Variants in NPC1L1 observed in about 807,000 individuals in gnomAD.
NPC1L1 encodes NPC1 like intracellular cholesterol transporter 1, also known as NPC1-like intracellular cholesterol transporter 1.
A neutral mutation model predicts 117.0 loss-of-function variants in NPC1L1; 98 were observed. That is an observed-to-expected ratio of 0.84 (90% CI 0.71 to 0.99). The LOEUF (loss-of-function observed/expected upper bound fraction) is 0.99, where lower values mean the gene tolerates loss of function less well. Ranked by LOEUF, NPC1L1 falls within the 50% of genes least tolerant of loss-of-function variation. The pLI, the probability that NPC1L1 is intolerant of heterozygous loss-of-function variation, is 0.00. For missense variants in NPC1L1, 1,540 were observed against 1,710.0 expected (o/e 0.90, Z 1.75); for synonymous variants, 729 against 727.6 (o/e 1.00, Z -0.03).
Position 44,536,127 on chromosome 7 carries a change from A to G in NPC1L1, c.1854+129T>C. On this transcript the variant is annotated intron_variant, in intron 4 of 18. Transcript: ENST00000381160. This position sits in a 1 kb window ranked among gnomAD's most constrained non-coding sequence, Gnocchi z 4.7. ...GGCTATAAGAACAGCCATCACAATC[A>G]CCCCGTTCTGAGCAGGCAGCCACTG... 1 of 1,537,416 alleles carries G rather than the reference A, an allele frequency of 6.5e-7. No individual in the cohort carries two copies. The highest frequency in any genetic ancestry group is 9.0e-7 in the Non-Finnish European group (1 of 1,114,066).
rs1325680244 is a variant in NPC1L1 at position 44,521,179 on chromosome 7, C to A, written c.2954-61G>T. ...CAGGGCCAGCAGCTCCTGCTTTGTG[C>A]CCCTCCTTCCCCAACAATCCCATCA... On this transcript the variant is annotated intron_variant, in intron 12 of 18. Transcript: ENST00000381160. The A allele has an allele frequency of 2.5e-6, 4 of 1,609,072 alleles. No homozygotes were observed. In the East Asian group the frequency reaches 6.7e-5, roughly 27 times the overall value.
chr7:44,539,216 T>C lies in NPC1L1; in HGVS notation c.1181A>G (p.Lys394Arg), dbSNP rs1178408301. 2 of 1,614,060 alleles carry C rather than the reference T, an allele frequency of 1.2e-6. No individual in the cohort carries two copies. The highest frequency in any genetic ancestry group is 1.7e-6 in the Non-Finnish European group (2 of 1,180,018). The change falls in exon 2 of 19, where the codon AAA (lysine) becomes AGA (arginine). Residue 394 changes from lysine to arginine, a missense_variant. Lys to Arg is a conservative substitution (Grantham distance 26). Coordinates refer to ENST00000381160, the MANE Select transcript of NPC1L1 (RefSeq NM_001101648.2). The surrounding 1 kb of genome is among the most constrained non-coding windows in gnomAD (Gnocchi z 4.4). ...GCCGAAATGCTGGTCATGGAAAGCT[T>C]TCTCACTCCGGGCTTGGCTGTTGGG... ...SAPNSQARSEKAFHDQHFGPF... is the reference protein window; with the variant it reads ...SAPNSQARSERAFHDQHFGPF...
rs1801818552 is a variant in NPC1L1, at chr7:44,534,718, C to T, written c.1984-89G>A. Reference sequence around the variant, plus strand: ...CAGCTAGGCCAGACAAAGTAGCCGGCAGGCACCCTCAGTGCCTGCAGGTGC... The same window carrying T: ...CAGCTAGGCCAGACAAAGTAGCCGGTAGGCACCCTCAGTGCCTGCAGGTGC... On this transcript the variant is annotated intron_variant, in intron 5 of 18. Coordinates refer to ENST00000381160, the MANE Select transcript of NPC1L1 (RefSeq NM_001101648.2). This position sits in a 1 kb window ranked among gnomAD's most constrained non-coding sequence, Gnocchi z 5.2. 7 of 1,418,628 alleles carry T rather than the reference C, an allele frequency of 4.9e-6. No homozygotes were observed. In the South Asian group the frequency reaches 7.0e-5, roughly 14 times the overall value. The allele number at this position is 1,418,628 out of a possible 1,614,324, so 87.9% of individuals were successfully genotyped here. A position where few individuals can be genotyped will look rare whatever the true frequency, so the allele number is the denominator to read the frequency against.
rs150426985 is a variant in NPC1L1 at position 44,538,124 on chromosome 7, G to T, written c.1580+693C>A. Among the ~76,000 whole-genome samples, 620 of 152,326 alleles carry T rather than the reference G, an allele frequency of 4.1e-3. 3 individuals are homozygous for T. Among genetic ancestry groups the T allele is most frequent in the African/African-American group, 0.014 (598 of 41,566 alleles). ...TAACTCTCATTTGCTCTGGAGTATG[G>T]AGTACTAAACGTTCATCTTGAGGAC... On this transcript the variant is annotated intron_variant, in intron 2 of 18. Transcript: ENST00000381160. The surrounding 1 kb of genome is among the most constrained non-coding windows in gnomAD (Gnocchi z 5.9).
rs763260628 is a variant in NPC1L1 at position 44,520,800 on chromosome 7, G to A, written c.3101C>T (p.Thr1034Ile). The change falls in exon 14 of 19, where the codon ACC becomes ATC. Residue 1034 changes from threonine (T) to isoleucine (I), a missense_variant. Coordinates refer to ENST00000381160, the MANE Select transcript of NPC1L1 (RefSeq NM_001101648.2). ...CPKGGLAAYSTSVNLTSDGQV... is the reference protein window; with the variant it reads ...CPKGGLAAYSISVNLTSDGQV... ...GCCATCTGAAGTCAAGTTCACAGAGGTGCTGTATGCTGCCAGGCCGCTGCA... is the reference window on the plus strand; with the variant it reads ...GCCATCTGAAGTCAAGTTCACAGAGATGCTGTATGCTGCCAGGCCGCTGCA... 27 of 1,613,940 alleles carry A rather than the reference G, an allele frequency of 1.7e-5. No homozygotes were observed. Among genetic ancestry groups the A allele is most frequent in the Non-Finnish European group, 2.2e-5 (26 of 1,179,982 alleles).
chr7:44,525,459 T>C (rs1801483176), intron 10 of NPC1L1, among the ~76,000 whole-genome samples: 1 of 152,208 alleles, frequency 6.6e-6, no homozygotes. Context: ...GGTTTCACCA[T>C]GTTGGCCAGG....
At chr7:44,540,493 T>C in intron 1 of NPC1L1, 151 bp from the exon 2 acceptor site, 2 of 735,680 alleles carry the variant, frequency 2.7e-6, no homozygotes, top group Non-Finnish European at 2.4e-6. Flanking sequence ...CCTGGAGGCA[T>C]GTGCCAGCCA....
At chr7:44,531,960 G>A (rs974840250) in intron 9 of NPC1L1, 116 bp from the exon 10 acceptor site, 23 of 1,539,994 alleles carry the variant, frequency 1.5e-5, no homozygotes, top group African/African-American at 5.5e-5. Flanking sequence ...GCAGACTTGC[G>A]TGCCAGCCCC....
chr7:44,536,093 C>A lies in NPC1L1; in HGVS notation c.1855-125G>T. The A allele has an allele frequency of 6.5e-7, 1 of 1,547,788 alleles. No homozygotes were observed. The highest frequency in any genetic ancestry group is 1.1e-5 in the South Asian group (1 of 88,850). On this transcript the variant is annotated intron_variant, in intron 4 of 18. Transcript: ENST00000381160. This position sits in a 1 kb window ranked among gnomAD's most constrained non-coding sequence, Gnocchi z 4.7. ...ATAGGGCCTGATGGCCCCCTATAAT[C>A]GCAGGTGAGGCTATAAGAACAGCCA...
intron 10 of NPC1L1, among the ~76,000 whole-genome samples, chr7:44,528,468 A>G (rs1481816372): frequency 1.3e-5 from 2 of 152,236 alleles, no homozygotes; most frequent in Non-Finnish European, 2.9e-5. Flanking sequence ...TATAGGGCAG[A>G]GTTTTTGTAT....
Position 44,538,952 on chromosome 7 carries a change from A to G in NPC1L1, c.1445T>C (p.Leu482Pro), listed in dbSNP as rs928778223. 8 of 1,614,216 alleles carry G rather than the reference A, an allele frequency of 5.0e-6. No homozygotes were observed. Among genetic ancestry groups the G allele is most frequent in the Non-Finnish European group, 6.8e-6 (8 of 1,180,044 alleles). The change falls in exon 2 of 19, where the codon CTC becomes CCC. Residue 482 changes from leucine to proline, a missense_variant. This residue lies in a region of NPC1L1 where 793 missense variants were observed against 820.4 expected (regional missense o/e 0.97). Coordinates refer to ENST00000381160, the MANE Select transcript of NPC1L1 (RefSeq NM_001101648.2). This position sits in a 1 kb window ranked among gnomAD's most constrained non-coding sequence, Gnocchi z 5.9. ...GAGGCTGTTGATGCAGCAGTCGTAG[A>G]GACTGGTATTGTCCGGATTGAGGGG... ...YAPLNPDNTS[L>P]YDCCINSLLQ... is the part of the protein sequence containing the mutation.
chr7:44,534,703 A>C lies in NPC1L1; in HGVS notation c.1984-74T>G. 1 of 1,536,872 alleles carries C rather than the reference A, an allele frequency of 6.5e-7. No individual in the cohort carries two copies. The highest frequency in any genetic ancestry group is 8.9e-7 in the Non-Finnish European group (1 of 1,128,840). On this transcript the variant is annotated intron_variant, in intron 5 of 18. Coordinates refer to ENST00000381160, the MANE Select transcript of NPC1L1 (RefSeq NM_001101648.2). This position sits in a 1 kb window ranked among gnomAD's most constrained non-coding sequence, Gnocchi z 5.2. ...TATGCCCACCAGCCTCAGCTAGGCCAGACAAAGTAGCCGGCAGGCACCCTC... is the reference window on the plus strand; with the variant it reads ...TATGCCCACCAGCCTCAGCTAGGCCCGACAAAGTAGCCGGCAGGCACCCTC...
At chr7:44,519,002 T>G (rs890641972) in intron 14 of NPC1L1, among the ~76,000 whole-genome samples, 1 of 151,490 alleles carries the variant, frequency 6.6e-6, no homozygotes, top group Non-Finnish European at 1.5e-5. Context: ...TCTCTCTCTT[T>G]CTCTCTCTCT....
In NPC1L1 at chr7:44,521,010, T is replaced by C; in HGVS notation, c.3062A>G (p.Asn1021Ser). 6.2e-7 allele frequency: 1 copy of C among 1,614,112 alleles called. No individual in the cohort carries two copies. Among genetic ancestry groups the C allele is most frequent in the African/African-American group, 1.3e-5 (1 of 75,022 alleles). ...YLPWFLNDRP[N>S]IKCPKGGLAA... is the part of the protein sequence containing the mutation. ...AGCTTACCCTTTGGGACATTTGATG[T>C]TGGGCCGGTCGTTCAGGAACCAGGG... Residue 1021 changes from asparagine to serine, a missense_variant, in exon 13 of 19, where the codon AAC becomes AGC. Around this residue, in one of 3 missense-constraint regions of NPC1L1, gnomAD observed 742 missense variants for 873.6 expected, o/e 0.85. Transcript: ENST00000381160.
chr7:44,530,471 T>A (rs921185919), intron 10 of NPC1L1, among the ~76,000 whole-genome samples: 1 of 152,192 alleles, frequency 6.6e-6, no homozygotes, highest in Non-Finnish European at 1.5e-5. Flanking sequence ...GTGGTGATAG[T>A]TGAATAGTAT....
rs1802092811 is a variant in NPC1L1, at chr7:44,541,208, A to T, written c.52T>A (p.Leu18Met). 1.9e-6 allele frequency: 3 copies of T among 1,549,650 alleles called. No individual in the cohort carries two copies. The highest frequency in any genetic ancestry group is 2.6e-6 in the Non-Finnish European group (3 of 1,146,812). The change falls in exon 1 of 19, where the codon TTG (leucine) becomes ATG (methionine). Residue 18 changes from leucine (L) to methionine (M), a missense_variant and splice_region_variant. This residue lies in a region of NPC1L1 where 793 missense variants were observed against 820.4 expected (regional missense o/e 0.97). Transcript: ENST00000381160. ...GWLLWALLLRLAQSEPYTTIH... is the reference protein window; with the variant it reads ...GWLLWALLLRMAQSEPYTTIH... ...TGGAGCCAAGCCCTGGGACTCACCAAGCGCAGGAGCAGGGCCCACAGCAGC... is the reference window on the plus strand; with the variant it reads ...TGGAGCCAAGCCCTGGGACTCACCATGCGCAGGAGCAGGGCCCACAGCAGC...
At chr7:44,529,197 C>A (rs954034313) in intron 10 of NPC1L1, among the ~76,000 whole-genome samples, 1 of 151,464 alleles carries the variant, frequency 6.6e-6, no homozygotes, top group Admixed American at 6.6e-5. Flanking sequence ...ATACTGTGCC[C>A]TAGGCAGCCC....
intron 1 of NPC1L1, among the ~76,000 whole-genome samples, chr7:44,540,628 G>A (rs918993746): frequency 5.3e-5 from 8 of 151,980 alleles, no homozygotes; most frequent in East Asian, 1.9e-4. Flanking sequence ...CCAAGGTCCC[G>A]GGCTCTGCCC....
Position 44,516,861 on chromosome 7 carries a change from C to T in NPC1L1, c.3361G>A (p.Val1121Met), listed in dbSNP as rs1801205480. ...AGGCAGGAGACAGCGAAGGTGGGCACAAGGCAGAGGCTGAGCATGAAGAGC... is the reference window on the plus strand; with the variant it reads ...AGGCAGGAGACAGCGAAGGTGGGCATAAGGCAGAGGCTGAGCATGAAGAGC... ...EGLFMLSLCLVPTFAVSCLLL... is the reference protein window; with the variant it reads ...EGLFMLSLCLMPTFAVSCLLL... The change falls in exon 16 of 19, where the codon GTG (valine) becomes ATG (methionine). Residue 1121 changes from valine to methionine, a missense_variant. Val to Met is a conservative substitution (Grantham distance 21). Transcript: ENST00000381160. 1 of 1,614,142 alleles carries T rather than the reference C, an allele frequency of 6.2e-7. No individual in the cohort carries two copies.
Sources: gnomAD v4.1 joint callset for allele counts (sites outside exome capture counted in the v4.1 genomes callset) on GRCh38, gnomAD v4.1.1 for gene constraint, gnomAD v4.1.1 regional missense constraint, Gnocchi (gnomAD v3.1) non-coding constraint, MANE v1.5 for transcripts, NCBI Gene and HGNC (gene_info 2026-07-23, HGNC 2026-07-21) for gene names.